ZFYVE1: variants seen among roughly 807,000 people sequenced by gnomAD.
ZFYVE1 encodes the protein zinc finger FYVE-type containing 1.
Under a neutral mutation model 74.4 loss-of-function variants are expected in ZFYVE1, and 30 were observed. That is an observed-to-expected ratio of 0.40 (90% CI 0.30 to 0.55). The LOEUF (loss-of-function observed/expected upper bound fraction) is 0.55, where lower values mean the gene tolerates loss of function less well. ZFYVE1 is among the 20% of genes least tolerant of loss of function. The pLI is 0.42. For missense variants in ZFYVE1, 703 were observed against 1,011.6 expected (o/e 0.69, Z 4.14); for synonymous variants, 335 against 385.1 (o/e 0.87, Z 1.52).
chr14:72,996,597 C>G (rs1458157193), intron 3 of ZFYVE1, among the ~76,000 whole-genome samples: 1 of 152,144 alleles, frequency 6.6e-6, no homozygotes. Context: ...TTCCTTGAAG[C>G]TACTAGGAGT....
chr14:72,996,148 A>G (rs1410442232), intron 3 of ZFYVE1, among the ~76,000 whole-genome samples: 1 of 151,922 alleles, frequency 6.6e-6, no homozygotes, highest in African/African-American at 2.4e-5. Flanking sequence ...GCAGGGGGAG[A>G]ATGAAAAGGG....
At chr14:73,010,212 C>A (rs1894059596) in intron 2 of ZFYVE1, among the ~76,000 whole-genome samples, 1 of 152,176 alleles carries the variant, frequency 6.6e-6, no homozygotes, top group Non-Finnish European at 1.5e-5. Flanking sequence ...CACCTGTAAT[C>A]CCAGAACTTT....
intron 2 of ZFYVE1, among the ~76,000 whole-genome samples, chr14:72,999,411 G>C (rs544898994): frequency 1.4e-4 from 21 of 152,108 alleles, no homozygotes; most frequent in Admixed American, 3.9e-4. Flanking sequence ...TGGGCAACAA[G>C]AACGAAACTC....
At chr14:72,991,183 ATTTTT>A (rs57153409) in intron 4 of ZFYVE1, among the ~76,000 whole-genome samples, 9 of 83,572 alleles carry the variant, frequency 1.1e-4, no homozygotes, top group South Asian at 4.5e-4. Flanking sequence ...CCCTGATGGT[ATTTTT>A]TTTTTTTTTT....
Position 73,026,271 on chromosome 14 carries a change from G to T in ZFYVE1, c.-435+655C>A, listed in dbSNP as rs566324354. Reference sequence around the variant, plus strand: ...TAACTTAAAAATAACTTCAAAATACGAAAAAAGATAACTGGGGCAAGAAAG... The same window carrying T: ...TAACTTAAAAATAACTTCAAAATACTAAAAAAGATAACTGGGGCAAGAAAG... On this transcript the variant is annotated intron_variant, in intron 1 of 11. Transcript: ENST00000556143. Among the ~76,000 whole-genome samples, 230 of 151,962 alleles carry T rather than the reference G, an allele frequency of 1.5e-3. 1 individual carries two copies. In the South Asian group the frequency reaches 0.017, roughly 11 times the overall value.
chr14:73,002,612 T>G (rs1018662772), intron 2 of ZFYVE1, among the ~76,000 whole-genome samples: 4 of 152,092 alleles, frequency 2.6e-5, no homozygotes, highest in African/African-American at 4.8e-5. Flanking sequence ...CCAGCTAATT[T>G]TTGTATTTTT....
chr14:73,002,781 G>A (rs866164547), intron 2 of ZFYVE1, among the ~76,000 whole-genome samples: 61 of 141,668 alleles, frequency 4.3e-4, no homozygotes, highest in African/African-American at 1.5e-3. Context: ...TAGCTCTGTC[G>A]CCCAGGCTGG....
chr14:72,978,566 C>CAAAAAAAAAAAAAAAAAA (rs58858186), intron 6 of ZFYVE1, among the ~76,000 whole-genome samples: 1 of 50,952 alleles, frequency 2.0e-5, no homozygotes, highest in Non-Finnish European at 3.2e-5. Context: ...GACTCTGTCT[C>CAAAAAAAAAAAAAAAAAA]AAAAAAAAAA....
chr14:72,978,292 G>A (rs905957369), intron 6 of ZFYVE1, 58 bp from the exon 7 acceptor site: 1 of 1,562,032 alleles, frequency 6.4e-7, no homozygotes, highest in East Asian at 2.3e-5. Context: ...TTTTTTAATA[G>A]ACACGGGGTT....
intron 11 of ZFYVE1, among the ~76,000 whole-genome samples, chr14:72,972,607 C>CGTAAG (rs1226365645): frequency 1.3e-5 from 2 of 152,188 alleles, no homozygotes; most frequent in East Asian, 3.8e-4. Flanking sequence ...GCCAGCCTTG[C>CGTAAG]GTAAGCCTGC....
chr14:72,993,228 C>A lies in ZFYVE1; in HGVS notation c.1118G>T (p.Gly373Val). Reference sequence around the variant, plus strand: ...TAGCTGCTCCAAAGCACGCCGAAGCCCAGAAAAGTCCGTGGGAGGGTTGTA... The same window carrying A: ...TAGCTGCTCCAAAGCACGCCGAAGCACAGAAAAGTCCGTGGGAGGGTTGTA... ...RTYNPPTDFS[G>V]LRRALEQLLE... The change falls in exon 4 of 12, where the codon GGG (glycine) becomes GTG (valine). Residue 373 changes from glycine (G) to valine (V), a missense_variant. Around this residue, in one of 2 missense-constraint regions of ZFYVE1, gnomAD observed 492 missense variants for 790.0 expected, o/e 0.62. Coordinates refer to ENST00000556143, the MANE Select transcript of ZFYVE1 (RefSeq NM_021260.4). 1 of 1,613,646 alleles carries A rather than the reference C, an allele frequency of 6.2e-7. No homozygotes were observed. Among genetic ancestry groups the A allele is most frequent in the Non-Finnish European group, 8.5e-7 (1 of 1,179,938 alleles).
chr14:72,972,296 A>G (rs556876827), intron 11 of ZFYVE1, among the ~76,000 whole-genome samples: 1 of 152,320 alleles, frequency 6.6e-6, no homozygotes, highest in Admixed American at 6.5e-5. Flanking sequence ...GAGGATGAGA[A>G]GAAAGAACAT....
At chr14:72,989,427 T>C (rs1283136004) in intron 4 of ZFYVE1, among the ~76,000 whole-genome samples, 1 of 152,102 alleles carries the variant, frequency 6.6e-6, no homozygotes, top group African/African-American at 2.4e-5. Context: ...TGTGAGAAAG[T>C]ATTAAGAGTT....
In ZFYVE1 at chr14:72,981,838, A is replaced by G. The variant is rs1181635879; in HGVS notation, c.1261T>C (p.Phe421Leu). ...CAGGTGAAATACTCATCTGGAAAAA[A>G]GGAGCTGTGCGCCATCTGGTCATCG... ...IPDDQMAHSSFFPDEYFTCSS... is the reference protein window; with the variant it reads ...IPDDQMAHSSLFPDEYFTCSS... Residue 421 changes from phenylalanine to leucine, a missense_variant, in exon 5 of 12, where the codon TTT becomes CTT. Physicochemically the swap from Phe to Leu is conservative, Grantham distance 22 (BLOSUM62 0). Around this residue, in one of 2 missense-constraint regions of ZFYVE1, gnomAD observed 492 missense variants for 790.0 expected, o/e 0.62. Coordinates refer to ENST00000556143, the MANE Select transcript of ZFYVE1 (RefSeq NM_021260.4). 42 of 1,614,116 alleles carry G rather than the reference A, an allele frequency of 2.6e-5. No individual in the cohort carries two copies. The highest frequency in any genetic ancestry group is 3.5e-5 in the Non-Finnish European group (41 of 1,180,022).
chr14:72,993,430 C>A (rs1209948765), intron 3 of ZFYVE1, 73 bp from the exon 4 acceptor site: 9 of 1,368,538 alleles, frequency 6.6e-6, no homozygotes, highest in Non-Finnish European at 8.9e-6. Context: ...AGGCCAGGCA[C>A]GGTGGCCCAC....
In ZFYVE1 at chr14:72,975,006, A is replaced by G; in HGVS notation, c.1807-47T>C. ...ACAGAGAGGCAGGTAGGTATGGTAC[A>G]TGTCTGCTCAGCTGAGAAAGTCAAC... is the stretch of plus-strand genomic sequence containing the variant. On this transcript the variant is annotated intron_variant, in intron 9 of 11. Transcript: ENST00000556143. The surrounding 1 kb of genome is among the most constrained non-coding windows in gnomAD (Gnocchi z 4.1). The G allele has an allele frequency of 6.5e-7, 1 of 1,550,184 alleles. No homozygotes were observed. Among genetic ancestry groups the G allele is most frequent in the Non-Finnish European group, 8.8e-7 (1 of 1,140,130 alleles).
chr14:72,988,406 C>G (rs1174855834), intron 4 of ZFYVE1, among the ~76,000 whole-genome samples: 1 of 151,900 alleles, frequency 6.6e-6, no homozygotes, highest in African/African-American at 2.4e-5. Flanking sequence ...AACTCGTGAC[C>G]TCAGGTGATC....
chr14:72,989,983 GAAGAA>G (rs757968894), intron 4 of ZFYVE1, among the ~76,000 whole-genome samples: 101 of 152,206 alleles, frequency 6.6e-4, no homozygotes, highest in Admixed American at 1.2e-3. Flanking sequence ...AACAAGTGGA[GAAGAA>G]AAGACAGCCA....
At position 72,992,630 on chromosome 14, in the gene ZFYVE1, T is replaced by TCCC. The variant is rs1324391955; in HGVS notation, c.1203+512_1203+513insGGG. On this transcript the variant is annotated intron_variant, in intron 4 of 11. Coordinates refer to ENST00000556143, the MANE Select transcript of ZFYVE1 (RefSeq NM_021260.4). ...CCATTCAGGTGCCCCCCCCGCCCCT[T>TCCC]GCAAGAGAGAGAGAGCTGTTCTTTC... is the stretch of plus-strand genomic sequence containing the variant. Among the ~76,000 whole-genome samples the TCCC allele has an allele frequency of 3.1e-3, 170 of 55,104 alleles. 3 individuals carry two copies. The highest frequency in any genetic ancestry group is 4.8e-3 in the Non-Finnish European group (113 of 23,598). 36.2% of individuals were successfully genotyped at this position (55,104 alleles called of 152,430 possible). A position where few individuals can be genotyped will look rare whatever the true frequency, so the allele number is the denominator to read the frequency against.
Sources: gnomAD v4.1 joint callset for allele counts (sites outside exome capture counted in the v4.1 genomes callset) on GRCh38, gnomAD v4.1.1 for gene constraint, gnomAD v4.1.1 regional missense constraint, Gnocchi (gnomAD v3.1) non-coding constraint, MANE v1.5 for transcripts, NCBI Gene and HGNC (gene_info 2026-07-23, HGNC 2026-07-21) for gene names.